SLC13A1: variants seen among roughly 807,000 people sequenced by gnomAD.
SLC13A1 encodes the protein Na(+)/sulfate cotransporter.
In SLC13A1, 65 loss-of-function variants were observed where a neutral mutation model predicts 70.0. The ratio of observed to expected loss-of-function variants is 0.93; its 90% CI spans 0.76 to 1.14. The LOEUF is 1.14. SLC13A1 is among the 50% of genes most tolerant of loss of function. The pLI is 0.00. For missense variants in SLC13A1, 726 were observed against 717.8 expected (o/e 1.01, Z -0.13); for synonymous variants, 275 against 250.5 (o/e 1.10, Z -0.92).
chr7:123,193,937 A>C (rs1185154827), intron 1 of SLC13A1, among the ~76,000 whole-genome samples: 1 of 152,062 alleles, frequency 6.6e-6, no homozygotes, highest in Non-Finnish European at 1.5e-5. Context: ...CCCCTCTTTC[A>C]TCAACCTCTT....
intron 6 of SLC13A1, among the ~76,000 whole-genome samples, chr7:123,165,194 A>C (rs971475867): frequency 6.6e-6 from 1 of 152,090 alleles, no homozygotes; most frequent in Admixed American, 6.6e-5. Flanking sequence ...AAAACATATC[A>C]TAAATGTATA....
intron 6 of SLC13A1, among the ~76,000 whole-genome samples, chr7:123,154,358 A>C (rs1794649298): frequency 6.6e-6 from 1 of 152,128 alleles, no homozygotes; most frequent in Non-Finnish European, 1.5e-5. Context: ...TCCTATGAGG[A>C]CATGACCGAA....
intron 8 of SLC13A1, among the ~76,000 whole-genome samples, chr7:123,131,090 T>C (rs1483967713): frequency 3.3e-5 from 5 of 152,206 alleles, no homozygotes; most frequent in African/African-American, 1.2e-4. Context: ...ACATTTTCTT[T>C]CGTAAAGTAT....
chr7:123,133,867 G>C (rs868746653), intron 8 of SLC13A1, among the ~76,000 whole-genome samples: 3 of 151,054 alleles, frequency 2.0e-5, no homozygotes, highest in African/African-American at 7.3e-5. Context: ...TTTTGAGACC[G>C]TTCTCTGTCG....
chr7:123,154,082 C>G (rs977412653), intron 6 of SLC13A1, among the ~76,000 whole-genome samples: 7 of 152,112 alleles, frequency 4.6e-5, no homozygotes, highest in Admixed American at 1.3e-4. Context: ...TTCAGAAGTG[C>G]AAAATGAGTC....
intron 6 of SLC13A1, among the ~76,000 whole-genome samples, chr7:123,152,235 C>T (rs1283292160): frequency 6.6e-6 from 1 of 152,014 alleles, no homozygotes; most frequent in Non-Finnish European, 1.5e-5. Context: ...TTTTCTTTAT[C>T]CATTCATCAT....
chr7:123,199,520 T>A (rs1194713812), intron 1 of SLC13A1, among the ~76,000 whole-genome samples: 2 of 152,084 alleles, frequency 1.3e-5, no homozygotes, highest in African/African-American at 4.8e-5. Flanking sequence ...GCACTAGCCA[T>A]GCATGCTCCC....
In SLC13A1 at chr7:123,117,552, A is replaced by AGTAC; in HGVS notation, c.1565_1568dup (p.Ser524TyrfsTer27). 1 of 1,611,956 alleles carries AGTAC rather than the reference A, an allele frequency of 6.2e-7. No individual in the cohort carries two copies. Among genetic ancestry groups the AGTAC allele is most frequent in the Non-Finnish European group, 8.5e-7 (1 of 1,178,132 alleles). Reference sequence around the variant, plus strand: ...CTACTGGTAGGAGGAATGCAAATGAAGTACACAGAGTAGAAGGTATCAGAA... The same window carrying AGTAC: ...CTACTGGTAGGAGGAATGCAAATGAAGTACGTACACAGAGTAGAAGGTATCAGAA... On this transcript the variant is annotated frameshift_variant, in exon 14 of 15. Transcript: ENST00000194130. LOFTEE classifies it high-confidence loss of function.
rs531478673 is a variant in SLC13A1, at chr7:123,198,405, T to G, written c.99+1443A>C. Reference sequence around the variant, plus strand: ...AAGGTCTTTTAGTTATTATTATTATTTACAAATTCTGTACGAATTTGAGGG... The same window carrying G: ...AAGGTCTTTTAGTTATTATTATTATGTACAAATTCTGTACGAATTTGAGGG... On this transcript the variant is annotated intron_variant, in intron 1 of 14. Transcript: ENST00000194130. Among the ~76,000 whole-genome samples, 20 of 150,066 alleles carry G rather than the reference T, an allele frequency of 1.3e-4. No individual in the cohort carries two copies. The East Asian group carries it at 3.6e-3, about 27-fold the overall frequency.
At chr7:123,173,003 C>A (rs1795324612) in intron 2 of SLC13A1, among the ~76,000 whole-genome samples, 1 of 152,046 alleles carries the variant, frequency 6.6e-6, no homozygotes, top group South Asian at 2.1e-4. Context: ...TGGAGCACTT[C>A]ATGAGAGTGG....
chr7:123,180,769 T>G (rs1432827115), intron 2 of SLC13A1, among the ~76,000 whole-genome samples: 2 of 152,080 alleles, frequency 1.3e-5, no homozygotes, highest in Non-Finnish European at 2.9e-5. Context: ...CTGACATGCA[T>G]GACTCAAGAA....
At chr7:123,120,414 C>T (rs1324112309) in intron 12 of SLC13A1, among the ~76,000 whole-genome samples, 1 of 151,982 alleles carries the variant, frequency 6.6e-6, no homozygotes, top group Non-Finnish European at 1.5e-5. Flanking sequence ...CCTGTGGTTT[C>T]CAGTTGGATT....
Position 123,128,893 on chromosome 7 carries a change from A to G in SLC13A1, c.1085T>C (p.Phe362Ser). The G allele has an allele frequency of 6.2e-7, 1 of 1,613,692 alleles. No individual in the cohort carries two copies. The highest frequency in any genetic ancestry group is 8.5e-7 in the Non-Finnish European group (1 of 1,179,794). Residue 362 changes from phenylalanine to serine, a missense_variant, in exon 10 of 15, where the codon TTT becomes TCT. Phe to Ser is a radical substitution (Grantham distance 155). Transcript: ENST00000194130. ...VLFIIMALLW[F>S]SRDPGFVPGW... is the part of the protein sequence containing the mutation. ...AGGAACAAATCCGGGGTCTCGACTA[A>G]ACCATAGCAGAGCCATTATAATGAA... is the stretch of plus-strand genomic sequence containing the variant.
chr7:123,175,908 G>A (rs934770756), intron 2 of SLC13A1, among the ~76,000 whole-genome samples: 8 of 152,160 alleles, frequency 5.3e-5, no homozygotes, highest in African/African-American at 1.9e-4. Context: ...ACTGATTTGG[G>A]TTATATGAGG....
chr7:123,148,631 G>T, intron 6 of SLC13A1: 1 of 329,634 alleles, frequency 3.0e-6, no homozygotes, highest in Non-Finnish European at 6.0e-6. Context: ...TTTAATGAAT[G>T]GTTTTTCAGT....
chr7:123,117,616 A>G lies in SLC13A1; in HGVS notation c.1513-8T>C, dbSNP rs1793225125. ...CACATGAATGGCTTCGGCCTGTTGT[A>G]AGAGATAAAAAAGAGTCTAAGTAAA... On this transcript the variant is annotated splice_polypyrimidine_tract_variant and splice_region_variant and intron_variant, in intron 13 of 14. Coordinates refer to ENST00000194130, the MANE Select transcript of SLC13A1 (RefSeq NM_022444.4). The G allele has an allele frequency of 6.4e-7, 1 of 1,571,874 alleles. No individual in the cohort carries two copies. The highest frequency in any genetic ancestry group is 8.6e-7 in the Non-Finnish European group (1 of 1,157,772).
chr7:123,163,548 C>T (rs573362677), intron 6 of SLC13A1, among the ~76,000 whole-genome samples: 2 of 152,180 alleles, frequency 1.3e-5, no homozygotes, highest in South Asian at 4.1e-4. Flanking sequence ...GTCTTTATCA[C>T]GCCAGCAAAA....
intron 7 of SLC13A1, among the ~76,000 whole-genome samples, chr7:123,143,829 T>C (rs1242171460): frequency 6.6e-6 from 1 of 152,150 alleles, no homozygotes; most frequent in Non-Finnish European, 1.5e-5. Flanking sequence ...TCCTGAACTG[T>C]TGACCCACAA....
chr7:123,136,692 T>C (rs1793959938), intron 7 of SLC13A1, among the ~76,000 whole-genome samples: 1 of 152,144 alleles, frequency 6.6e-6, no homozygotes, highest in Admixed American at 6.6e-5. Context: ...ATGAACTTTA[T>C]GTTAAAGTGG....
Sources: gnomAD v4.1 joint callset for allele counts (sites outside exome capture counted in the v4.1 genomes callset) on GRCh38, gnomAD v4.1.1 for gene constraint, MANE v1.5 for transcripts, NCBI Gene and HGNC (gene_info 2026-07-23, HGNC 2026-07-21) for gene names.